ZNF385D: variants seen among roughly 807,000 people sequenced by gnomAD.
The protein encoded by ZNF385D is zinc finger protein 385D, also known as zinc finger protein 659.
Under a neutral mutation model 35.8 loss-of-function variants are expected in ZNF385D, and 15 were observed. The observed-to-expected ratio is 0.42, with a 90% CI of 0.28 to 0.64. ZNF385D has a LOEUF of 0.64. Ranked by LOEUF, ZNF385D falls within the 30% of genes least tolerant of loss-of-function variation. The pLI, the probability that ZNF385D is intolerant of heterozygous loss-of-function variation, is 0.23. For synonymous variants in ZNF385D, 212 were observed against 186.8 expected, an observed-to-expected ratio of 1.13 and a Z score of -1.10; for missense variants, 474 against 494.6, an observed-to-expected ratio of 0.96 and a Z score of 0.39.
At chr3:21,695,816 C>T (rs993685180) in intron 1 of ZNF385D, among the ~76,000 whole-genome samples, 12 of 151,504 alleles carry the variant, frequency 7.9e-5, no homozygotes, top group Admixed American at 7.9e-4. Context: ...AAAGCATTCC[C>T]TTGTCATTTT....
chr3:21,942,941 G>C (rs899595396), intron 3 of ZNF385D, among the ~76,000 whole-genome samples: 2 of 152,130 alleles, frequency 1.3e-5, no homozygotes, highest in Non-Finnish European at 2.9e-5. Context: ...ATTTTGCCTT[G>C]TAAGATGTTA....
intron 3 of ZNF385D, among the ~76,000 whole-genome samples, chr3:21,956,386 G>A (rs1226271560): frequency 2.0e-5 from 3 of 151,564 alleles, no homozygotes; most frequent in Non-Finnish European, 4.4e-5. Context: ...TAATATAATA[G>A]TAATAACGAG....
intron 3 of ZNF385D, among the ~76,000 whole-genome samples, chr3:21,521,119 C>A (rs1466072184): frequency 6.6e-6 from 1 of 152,144 alleles, no homozygotes; most frequent in South Asian, 2.1e-4. Context: ...GAACTTGCCC[C>A]AGAGATCATT....
intron 3 of ZNF385D, among the ~76,000 whole-genome samples, chr3:21,870,202 ATAAT>A (rs1697611845): frequency 6.6e-6 from 1 of 152,198 alleles, no homozygotes; most frequent in African/African-American, 2.4e-5. Flanking sequence ...GACCAATATC[ATAAT>A]TGTCAACAAG....
intron 3 of ZNF385D, among the ~76,000 whole-genome samples, chr3:21,921,781 T>A (rs889073903): frequency 1.3e-5 from 2 of 151,522 alleles, no homozygotes; most frequent in African/African-American, 4.9e-5. Context: ...CTCCCAAGAT[T>A]GAATCAAGAA....
intron 2 of ZNF385D, among the ~76,000 whole-genome samples, chr3:22,202,585 CA>C: frequency 6.6e-6 from 1 of 152,120 alleles, no homozygotes; most frequent in Non-Finnish European, 1.5e-5. Context: ...TCATGAGAAC[CA>C]AAAATCAGGT....
chr3:22,336,266 A>C (rs1213115368), intron 2 of ZNF385D, among the ~76,000 whole-genome samples: 1 of 152,170 alleles, frequency 6.6e-6, no homozygotes, highest in Non-Finnish European at 1.5e-5. Context: ...CTCTAAGTAA[A>C]ATATTTAAAG....
intron 3 of ZNF385D, among the ~76,000 whole-genome samples, chr3:21,847,936 T>A (rs1014765776): frequency 1.3e-5 from 2 of 151,996 alleles, no homozygotes; most frequent in African/African-American, 4.8e-5. Context: ...ACCTAGGACA[T>A]TTTCATCTTG....
chr3:21,775,743 C>T (rs2125623703), intron 3 of ZNF385D, among the ~76,000 whole-genome samples: 1 of 151,870 alleles, frequency 6.6e-6, no homozygotes, highest in Non-Finnish European at 1.5e-5. Context: ...TAATCATTTT[C>T]TTATTGATTT....
At chr3:22,163,416 T>G (rs1373703825) in intron 3 of ZNF385D, among the ~76,000 whole-genome samples, 3 of 152,204 alleles carry the variant, frequency 2.0e-5, no homozygotes, top group Admixed American at 1.3e-4. Context: ...AGATAGCTTT[T>G]CACTGTGATC....
At chr3:22,030,499 G>T (rs1384361356) in intron 3 of ZNF385D, among the ~76,000 whole-genome samples, 6 of 151,054 alleles carry the variant, frequency 4.0e-5, no homozygotes, top group Non-Finnish European at 7.4e-5. Context: ...GAAAGAGAGT[G>T]AGAGAGTGCA....
chr3:22,315,880 C>G (rs991958722), intron 2 of ZNF385D, among the ~76,000 whole-genome samples: 1 of 152,064 alleles, frequency 6.6e-6, no homozygotes, highest in Non-Finnish European at 1.5e-5. Context: ...TGAAAGGCCA[C>G]AAGATTAGGA....
chr3:21,839,816 C>T (rs1695554227), intron 3 of ZNF385D, among the ~76,000 whole-genome samples: 1 of 151,986 alleles, frequency 6.6e-6, no homozygotes, highest in South Asian at 2.1e-4. Flanking sequence ...ACCCTCATTA[C>T]TCCCACATGT....
chr3:22,331,544 C>G (rs1191738829), intron 2 of ZNF385D, among the ~76,000 whole-genome samples: 5 of 152,092 alleles, frequency 3.3e-5, no homozygotes, highest in Non-Finnish European at 5.9e-5. Flanking sequence ...TTCATTAACA[C>G]CCATGCTGTT....
chr3:22,335,719 T>A (rs111903351), intron 2 of ZNF385D, among the ~76,000 whole-genome samples: 1,624 of 152,246 alleles, frequency 0.011, 27 homozygotes, highest in African/African-American at 0.037. Flanking sequence ...ACCAGAAAAT[T>A]AACCAAAAAG....
chr3:22,010,542 A>C (rs1455150971), intron 3 of ZNF385D, among the ~76,000 whole-genome samples: 2 of 152,180 alleles, frequency 1.3e-5, no homozygotes, highest in Non-Finnish European at 2.9e-5. Flanking sequence ...CAGTCTAGAG[A>C]CTGCAAGTCC....
At chr3:22,370,393 C>T (rs1696848052) in intron 2 of ZNF385D, among the ~76,000 whole-genome samples, 1 of 152,168 alleles carries the variant, frequency 6.6e-6, no homozygotes, top group African/African-American at 2.4e-5. Context: ...ACTAAGATCT[C>T]AGTGTTCTGC....
intron 3 of ZNF385D, among the ~76,000 whole-genome samples, chr3:21,873,642 C>A (rs1212809104): frequency 1.3e-5 from 2 of 152,026 alleles, no homozygotes; most frequent in Non-Finnish European, 2.9e-5. Context: ...CCCATTTCTG[C>A]CTCCGCTTAG....
chr3:21,789,806 C>T (rs17621934), intron 3 of ZNF385D, among the ~76,000 whole-genome samples: 10,883 of 152,142 alleles, frequency 0.072, 549 homozygotes, highest in South Asian at 0.12. Context: ...TCACTTATAC[C>T]GTAACCAATT....
Sources: allele counts gnomAD v4.1 joint callset (sites outside exome capture counted in the v4.1 genomes callset), GRCh38; gene constraint gnomAD v4.1.1; transcripts MANE v1.5; gene names NCBI Gene and HGNC (gene_info 2026-07-23, HGNC 2026-07-21).